The following SLC27A6 variants were observed in gnomAD, a reference collection of about 807,000 sequenced individuals.
The protein encoded by SLC27A6 is solute carrier family 27 member 6.
Under a neutral mutation model 63.9 loss-of-function variants are expected in SLC27A6, and 74 were observed. The observed-to-expected ratio is 1.16, with a 90% CI of 0.96 to 1.40. The LOEUF (loss-of-function observed/expected upper bound fraction) is 1.40, where lower values mean the gene tolerates loss of function less well. Among genes scored for constraint, SLC27A6 ranks in the 40% most tolerant of loss-of-function variants. SLC27A6 has a pLI of 0.00. For missense variants in SLC27A6, 794 were observed against 732.9 expected (o/e 1.08, Z -0.96); for synonymous variants, 287 against 260.8 (o/e 1.10, Z -0.97).
chr5:129,018,008 T>G (rs1449954319), intron 5 of SLC27A6, among the ~76,000 whole-genome samples: 1 of 152,168 alleles, frequency 6.6e-6, no homozygotes, highest in African/African-American at 2.4e-5. Context: ...ACGAAAGTAC[T>G]TCCTACAGAC....
intron 1 of SLC27A6, among the ~76,000 whole-genome samples, chr5:128,971,770 C>T (rs1262158773): frequency 1.3e-5 from 2 of 152,030 alleles, no homozygotes; most frequent in Non-Finnish European, 2.9e-5. Context: ...ACATTTAATG[C>T]TAATATTGTT....
chr5:129,027,149 C>A lies in SLC27A6; in HGVS notation c.1272C>A (p.Leu424=). 1.2e-6 allele frequency: 2 copies of A among 1,613,290 alleles called. No individual in the cohort carries two copies. Among genetic ancestry groups the A allele is most frequent in the South Asian group, 2.2e-5 (2 of 91,046 alleles). ...IHVKKGEPGL[L]ISRVNAKNPF... ...TTCTTGCAGGAGAACCTGGACTTCTCATTTCTCGAGTGAATGCAAAAAATC... is the reference window on the plus strand; with the variant it reads ...TTCTTGCAGGAGAACCTGGACTTCTAATTTCTCGAGTGAATGCAAAAAATC... The change falls in exon 7 of 10, where the codon CTC becomes CTA. Residue 424 remains leucine, a synonymous_variant. Coordinates refer to ENST00000262462, the MANE Select transcript of SLC27A6 (RefSeq NM_001017372.3).
At chr5:128,972,627 A>C (rs1224329824) in intron 1 of SLC27A6, among the ~76,000 whole-genome samples, 1 of 152,098 alleles carries the variant, frequency 6.6e-6, no homozygotes, top group Non-Finnish European at 1.5e-5. Flanking sequence ...CATGTCATTT[A>C]AAGTCCTCTC....
chr5:129,021,071 C>G (rs1230441670), intron 5 of SLC27A6, among the ~76,000 whole-genome samples: 1 of 151,358 alleles, frequency 6.6e-6, no homozygotes, highest in Non-Finnish European at 1.5e-5. Context: ...AGCTTACTTC[C>G]ATCTCCTGCC....
intron 1 of SLC27A6, among the ~76,000 whole-genome samples, chr5:128,980,100 C>T (rs961609610): frequency 6.6e-6 from 1 of 152,178 alleles, no homozygotes; most frequent in African/African-American, 2.4e-5. Flanking sequence ...CTCTCCCTTC[C>T]AGGGTCTATC....
intron 1 of SLC27A6, among the ~76,000 whole-genome samples, chr5:128,975,422 C>A (rs972072706): frequency 2.0e-5 from 3 of 152,140 alleles, no homozygotes; most frequent in Non-Finnish European, 4.4e-5. Context: ...ATAGAGTGTA[C>A]CTACACGAAC....
chr5:128,974,591 T>C (rs1026869450), intron 1 of SLC27A6, among the ~76,000 whole-genome samples: 3 of 152,184 alleles, frequency 2.0e-5, no homozygotes, highest in Admixed American at 2.0e-4. Context: ...AATTTCAGAT[T>C]TCTTGGATTC....
In SLC27A6 at chr5:129,027,164, T is replaced by G. The variant is rs752172866; in HGVS notation, c.1287T>G (p.Asn429Lys). 6.2e-7 allele frequency: 1 copy of G among 1,613,470 alleles called. No homozygotes were observed. Among genetic ancestry groups the G allele is most frequent in the Non-Finnish European group, 8.5e-7 (1 of 1,179,542 alleles). ...GEPGLLISRV[N>K]AKNPFFGYAG... is the part of the protein sequence containing the mutation. ...CTGGACTTCTCATTTCTCGAGTGAATGCAAAAAATCCCTTCTTTGGCTATG... is the reference window on the plus strand; with the variant it reads ...CTGGACTTCTCATTTCTCGAGTGAAGGCAAAAAATCCCTTCTTTGGCTATG... The change falls in exon 7 of 10, where the codon AAT (asparagine) becomes AAG (lysine). Residue 429 changes from asparagine to lysine, a missense_variant. Coordinates refer to ENST00000262462, the MANE Select transcript of SLC27A6 (RefSeq NM_001017372.3).
chr5:128,999,955 G>A (rs111800184), intron 4 of SLC27A6, among the ~76,000 whole-genome samples: 6 of 152,186 alleles, frequency 3.9e-5, no homozygotes, highest in African/African-American at 1.2e-4. Flanking sequence ...GTCCAAAAAT[G>A]GCTGGAGAGC....
intron 4 of SLC27A6, among the ~76,000 whole-genome samples, chr5:129,001,679 C>T (rs920360406): frequency 6.6e-6 from 1 of 152,136 alleles, no homozygotes; most frequent in South Asian, 2.1e-4. Context: ...TGTCTCTCCA[C>T]CTATCAACAA....
intron 3 of SLC27A6, among the ~76,000 whole-genome samples, chr5:128,989,800 TGTA>T (rs1750914451): frequency 6.6e-6 from 1 of 151,882 alleles, no homozygotes; most frequent in Non-Finnish European, 1.5e-5. Flanking sequence ...GGCAGGCACC[TGTA>T]GTCCCAGCTA....
chr5:128,984,181 G>C (rs890876650), intron 1 of SLC27A6, among the ~76,000 whole-genome samples: 1 of 152,160 alleles, frequency 6.6e-6, no homozygotes, highest in South Asian at 2.1e-4. Flanking sequence ...ATAAATAATT[G>C]TATGCCTGTC....
chr5:128,995,781 T>G (rs1291579762), intron 4 of SLC27A6, among the ~76,000 whole-genome samples: 1 of 152,122 alleles, frequency 6.6e-6, no homozygotes, highest in Non-Finnish European at 1.5e-5. Flanking sequence ...TTTGTAATCT[T>G]GGAGGAGAAA....
At chr5:129,019,384 G>A (rs1218907003) in intron 5 of SLC27A6, among the ~76,000 whole-genome samples, 1 of 150,794 alleles carries the variant, frequency 6.6e-6, no homozygotes, top group African/African-American at 2.4e-5. Flanking sequence ...TAAATAAAAG[G>A]CAGCTGAAAA....
intron 1 of SLC27A6, among the ~76,000 whole-genome samples, chr5:128,978,602 C>T (rs191420061): frequency 2.6e-5 from 4 of 152,266 alleles, no homozygotes; most frequent in Non-Finnish European, 5.9e-5. Context: ...TGCACATTAT[C>T]TGGCGTGGCC....
Position 128,966,094 on chromosome 5 carries a change from G to A in SLC27A6, c.-44G>A. On this transcript the variant is annotated 5_prime_UTR_variant, in exon 1 of 10. Transcript: ENST00000262462. ...GCTGTGCCTGGAAGAGAAGGACGCTGGTGGGGGCTGAGATCAGAGCTGTCT... is the reference window on the plus strand; with the variant it reads ...GCTGTGCCTGGAAGAGAAGGACGCTAGTGGGGGCTGAGATCAGAGCTGTCT... 6.6e-7 allele frequency: 1 copy of A among 1,515,982 alleles called. No individual in the cohort carries two copies. Among genetic ancestry groups the A allele is most frequent in the Non-Finnish European group, 8.8e-7 (1 of 1,135,530 alleles). The allele number at this position is 1,515,982 out of a possible 1,614,324, so 93.9% of individuals were successfully genotyped here. A position where few individuals can be genotyped will look rare whatever the true frequency, so the allele number is the denominator to read the frequency against.
At chr5:128,996,968 C>T (rs538017673) in intron 4 of SLC27A6, among the ~76,000 whole-genome samples, 1 of 151,988 alleles carries the variant, frequency 6.6e-6, no homozygotes, top group Non-Finnish European at 1.5e-5. Context: ...TCTATTTATT[C>T]TTTTTTCTTT....
intron 1 of SLC27A6, among the ~76,000 whole-genome samples, chr5:128,969,764 C>T (rs1300764969): frequency 1.3e-5 from 2 of 152,130 alleles, no homozygotes; most frequent in African/African-American, 4.8e-5. Flanking sequence ...TTTCTTTCTC[C>T]TGCCTGATTG....
intron 4 of SLC27A6, among the ~76,000 whole-genome samples, chr5:128,997,382 T>C (rs1407529383): frequency 2.0e-5 from 3 of 152,196 alleles, no homozygotes; most frequent in Admixed American, 1.3e-4. Flanking sequence ...AAGTCAAAGA[T>C]ATGTTTACAT....
Sources: gnomAD v4.1 joint callset for allele counts (sites outside exome capture counted in the v4.1 genomes callset) on GRCh38, gnomAD v4.1.1 for gene constraint, MANE v1.5 for transcripts, NCBI Gene and HGNC (gene_info 2026-07-23, HGNC 2026-07-21) for gene names.